The following OPALIN variants were observed in gnomAD, a reference collection of about 807,000 sequenced individuals.
OPALIN encodes the protein oligodendrocytic myelin paranodal and inner loop protein, also known as transmembrane protein 10.
A neutral mutation model predicts 17.8 loss-of-function variants in OPALIN; 15 were observed. The ratio of observed to expected loss-of-function variants is 0.84; its 90% CI spans 0.56 to 1.29. The LOEUF is 1.29. Ranked by LOEUF, OPALIN falls within the 50% of genes most tolerant of loss-of-function variation. OPALIN has a pLI of 0.00. For missense variants in OPALIN, 170 were observed against 176.0 expected (o/e 0.97, Z 0.19); for synonymous variants, 62 against 63.8 (o/e 0.97, Z 0.14).
chr10:96,349,848 A>G, intron 3 of OPALIN, 22 bp from the exon 4 acceptor site: 5 of 1,598,008 alleles, frequency 3.1e-6, no homozygotes, highest in Non-Finnish European at 4.3e-6. Flanking sequence ...TGAAAAACAC[A>G]GGGTCAGAGG....
At chr10:96,348,369 TAAAA>T (rs765261567) in intron 4 of OPALIN, 24 bp from the exon 5 acceptor site, 9 of 1,184,340 alleles carry the variant, frequency 7.6e-6, no homozygotes, top group Non-Finnish European at 1.1e-5. Flanking sequence ...AATATAATAA[TAAAA>T]GAAAGAAAGA....
intron 1 of OPALIN, among the ~76,000 whole-genome samples, chr10:96,357,366 G>A (rs533175206): frequency 1.3e-5 from 2 of 152,326 alleles, no homozygotes; most frequent in East Asian, 1.9e-4. Flanking sequence ...ACACAGTACA[G>A]TGCTCTCATG....
intron 3 of OPALIN, among the ~76,000 whole-genome samples, chr10:96,350,884 A>G (rs975956694): frequency 1.9e-4 from 29 of 151,700 alleles, no homozygotes; most frequent in African/African-American, 6.3e-4. Flanking sequence ...TTAATAATGG[A>G]TTCACCTTCA....
chr10:96,349,410 T>C (rs770079275), intron 4 of OPALIN, among the ~76,000 whole-genome samples: 4 of 152,234 alleles, frequency 2.6e-5, no homozygotes, highest in Non-Finnish European at 5.9e-5. Flanking sequence ...GCACACCCAC[T>C]GTACAGACAT....
At chr10:96,355,390 T>C (rs1176544604) in intron 1 of OPALIN, 100 bp from the exon 2 acceptor site, 10 of 1,098,636 alleles carry the variant, frequency 9.1e-6, no homozygotes, top group African/African-American at 6.2e-5. Context: ...CGAGAGGTCA[T>C]TGATCCTATA....
chr10:96,354,954 G>T (rs73320802), intron 2 of OPALIN, among the ~76,000 whole-genome samples: 1 of 151,680 alleles, frequency 6.6e-6, no homozygotes, highest in Non-Finnish European at 1.5e-5. Context: ...AAAATTAGCC[G>T]GATATGGTGG....
At position 96,349,820 on chromosome 10, in the gene OPALIN, C is replaced by T; in HGVS notation, c.79G>A (p.Gly27Arg). Reference protein sequence around the residue: ...PVTGGKETDCGPSLGLAAGIP... With the variant: ...PVTGGKETDCRPSLGLAAGIP... ...CCCGCCGCTAATCCAAGAGAGGGCC[C>T]ACAGTCCTGGCACAGAATGAAAAAC... Residue 27 changes from glycine to arginine, a missense_variant, in exon 4 of 6, where the codon GGG (glycine) becomes AGG (arginine). Gly to Arg is a moderately radical substitution (Grantham distance 125, BLOSUM62 -2). Coordinates refer to ENST00000371172, the MANE Select transcript of OPALIN (RefSeq NM_033207.5). The T allele has an allele frequency of 6.2e-7, 1 of 1,613,456 alleles. No homozygotes were observed.
rs9651412 is a variant in OPALIN at position 96,350,194 on chromosome 10, A to C, written c.73-368T>G. 6.5e-3 allele frequency among the ~76,000 whole-genome samples: 984 copies of C among 152,346 alleles called. 6 individuals are homozygous for C. The highest frequency in any genetic ancestry group is 0.022 in the African/African-American group (896 of 41,568). On this transcript the variant is annotated intron_variant, in intron 3 of 5. Transcript: ENST00000371172. The stretch of plus-strand genomic sequence containing the variant: ...GTCATTTTCACCTGTTTGGCTAAAA[A>C]TAAAAGCTTTTATTATACACCACAC...
chr10:96,352,855 G>C (rs542905641), intron 2 of OPALIN, among the ~76,000 whole-genome samples: 13 of 152,290 alleles, frequency 8.5e-5, no homozygotes, highest in African/African-American at 3.1e-4. Flanking sequence ...ACGGCCTTCT[G>C]CCTGTACTGT....
In OPALIN at chr10:96,345,885, C is replaced by A. The variant is rs529843176; in HGVS notation, c.*56G>T. The A allele has an allele frequency of 7.4e-4, 1,149 of 1,556,310 alleles. 13 individuals are homozygous for A. In the South Asian group the frequency reaches 0.013, roughly 17 times the overall value. On this transcript the variant is annotated 3_prime_UTR_variant, in exon 6 of 6. Coordinates refer to ENST00000371172, the MANE Select transcript of OPALIN (RefSeq NM_033207.5). ...CATCTTTCCTCTCCAAGTACAAAAC[C>A]CTGGGTTTTCAACCCTGTTCCAGTG...
chr10:96,351,025 T>C (rs987912676), intron 3 of OPALIN, among the ~76,000 whole-genome samples: 8 of 152,226 alleles, frequency 5.3e-5, no homozygotes, highest in Non-Finnish European at 8.8e-5. Context: ...AACAGAACAT[T>C]AGCAGTATCT....
At chr10:96,350,798 T>C (rs887221583) in intron 3 of OPALIN, among the ~76,000 whole-genome samples, 2 of 152,240 alleles carry the variant, frequency 1.3e-5, no homozygotes, top group Admixed American at 6.5e-5. Context: ...TTTAGTTACA[T>C]AAGTTTTCAG....
intron 2 of OPALIN, among the ~76,000 whole-genome samples, chr10:96,354,314 A>G (rs1845712806): frequency 6.6e-6 from 1 of 152,212 alleles, no homozygotes; most frequent in Non-Finnish European, 1.5e-5. Context: ...TAAATGCCAT[A>G]ATCAAGAGCC....
chr10:96,347,768 G>A lies in OPALIN; in HGVS notation c.249+521C>T, dbSNP rs115003882. 7.0e-3 allele frequency among the ~76,000 whole-genome samples: 1,058 copies of A among 152,160 alleles called. 17 individuals are homozygous for A. The highest frequency in any genetic ancestry group is 0.024 in the African/African-American group (977 of 41,516). On this transcript the variant is annotated intron_variant, in intron 5 of 5. Coordinates refer to ENST00000371172, the MANE Select transcript of OPALIN (RefSeq NM_033207.5). ...GATTACAGGCGTGAGCCACTGCACC[G>A]GACCTATACTTTCTAATTTTTAAAA... is the stretch of plus-strand genomic sequence containing the variant.
In OPALIN at chr10:96,344,693, G is replaced by A. The variant is rs1845237426; in HGVS notation, c.*1248C>T. ...CGGCAATGCTATGCGTGGGCTTAAG[G>A]GCTCTTGTTTAATCTGAAGCCTTTA... On this transcript the variant is annotated 3_prime_UTR_variant, in exon 6 of 6. Coordinates refer to ENST00000371172, the MANE Select transcript of OPALIN (RefSeq NM_033207.5). 1 of 152,046 alleles carries A rather than the reference G, an allele frequency of 6.6e-6. No homozygotes were observed. Among genetic ancestry groups the A allele is most frequent in the South Asian group, 2.1e-4 (1 of 4,828 alleles). The allele number at this position is 152,046 out of a possible 1,614,324, so 9.4% of individuals were successfully genotyped here.
rs1356251293 is a variant in OPALIN, at chr10:96,351,405, G to T, written c.45C>A (p.Ser15=). The part of the protein sequence containing the change: ...LNFTLPANTT[S]SPVTGGKETD... ...TTTCTTTCCCACCTGTGACAGGAGA[G>T]GACGTCTGTATGGAAAAAGAACATA... is the stretch of plus-strand genomic sequence containing the variant. The change falls in exon 3 of 6, where the codon TCC becomes TCA. Residue 15 remains serine, a synonymous_variant. Transcript: ENST00000371172. 2.6e-6 allele frequency: 4 copies of T among 1,542,250 alleles called. No homozygotes were observed. The African/African-American group carries it at 5.6e-5, about 22-fold the overall frequency.
chr10:96,353,390 G>A (rs1845664054), intron 2 of OPALIN: 1 of 1,610,418 alleles, frequency 6.2e-7, no homozygotes, highest in East Asian at 2.2e-5. Flanking sequence ...CTACCCAGCT[G>A]CACTGAAGTG....
chr10:96,346,164 TTC>T, intron 5 of OPALIN, 47 bp from the exon 6 acceptor site: 1 of 1,567,312 alleles, frequency 6.4e-7, no homozygotes, highest in Non-Finnish European at 8.8e-7. Context: ...AGAGAATTCT[TTC>T]ATACAAGATG....
Position 96,345,895 on chromosome 10 carries a change from C to A in OPALIN, c.*46G>T. 6.3e-7 allele frequency: 1 copy of A among 1,588,038 alleles called. No homozygotes were observed. Among genetic ancestry groups the A allele is most frequent in the South Asian group, 1.1e-5 (1 of 87,586 alleles). ...CTCCAAGTACAAAACCCTGGGTTTT[C>A]AACCCTGTTCCAGTGCCAGGTCTGC... On this transcript the variant is annotated 3_prime_UTR_variant, in exon 6 of 6. Transcript: ENST00000371172.
Sources: allele counts gnomAD v4.1 joint callset (sites outside exome capture counted in the v4.1 genomes callset), GRCh38; gene constraint gnomAD v4.1.1; transcripts MANE v1.5; gene names NCBI Gene and HGNC (gene_info 2026-07-23, HGNC 2026-07-21).